The following COL11A2 variants were observed in gnomAD, a reference collection of about 807,000 sequenced individuals.
The protein encoded by COL11A2 is collagen type XI alpha 2 chain, also known as collagen alpha-2(XI) chain.
Under a neutral mutation model 273.4 loss-of-function variants are expected in COL11A2, and 116 were observed. The ratio of observed to expected loss-of-function variants is 0.42; its 90% CI spans 0.36 to 0.49. COL11A2 has a LOEUF of 0.49. Ranked by LOEUF, COL11A2 falls within the 20% of genes least tolerant of loss-of-function variation. The pLI, the probability that COL11A2 is intolerant of heterozygous loss-of-function variation, is 0.00. For synonymous variants in COL11A2, 782 were observed against 864.2 expected, an observed-to-expected ratio of 0.90 and a Z score of 1.67; for missense variants, 1,866 against 2,309.0, an observed-to-expected ratio of 0.81 and a Z score of 3.93.
rs1317338384 is a variant in COL11A2 at position 33,177,843 on chromosome 6, G to T, written c.1873-137C>A. 1.0e-6 allele frequency: 1 copy of T among 969,528 alleles called. No individual in the cohort carries two copies. The allele number at this position is 969,528 out of a possible 1,614,324, so 60.1% of individuals were successfully genotyped here. On this transcript the variant is annotated intron_variant, in intron 21 of 65. Transcript: ENST00000341947. The surrounding 1 kb of genome is among the most constrained non-coding windows in gnomAD (Gnocchi z 5.9). ...AACCCAAGCAAACACAGCTGGCCCA[G>T]GCCTGCAGTGTGTGGGACTGTGGAT...
rs1398208035 is a variant in COL11A2, at chr6:33,179,789, C to A, written c.1376G>T (p.Gly459Val). 2 of 1,611,684 alleles carry A rather than the reference C, an allele frequency of 1.2e-6. No individual in the cohort carries two copies. Among genetic ancestry groups the A allele is most frequent in the East Asian group, 2.2e-5 (1 of 44,870 alleles). ...CACCACAGGGCCCTTGTCACCCCCA[C>A]CACTGCCAAACCGGAACTGAGGTCA... ...SLMLPFRFGSGGGDKGPVVAA... is the reference protein window; with the variant it reads ...SLMLPFRFGSVGGDKGPVVAA... Residue 459 changes from glycine to valine, a missense_variant, in exon 13 of 66, where the codon GGT becomes GTT. By Grantham distance (109) the Gly-to-Val change is moderately radical. Transcript: ENST00000341947. The surrounding 1 kb of genome is among the most constrained non-coding windows in gnomAD (Gnocchi z 6.4).
rs772701006 is a variant in COL11A2, at chr6:33,186,560, G to A, written c.798+67C>T. 4.3e-6 allele frequency: 7 copies of A among 1,613,060 alleles called. No individual in the cohort carries two copies. Among genetic ancestry groups the A allele is most frequent in the Non-Finnish European group, 5.9e-6 (7 of 1,179,328 alleles). The stretch of plus-strand genomic sequence containing the variant: ...GAGGGTGGGGAGGACAACTAAGGAG[G>A]AGAGATGCCTGGGTGTCTTCCCTCT... On this transcript the variant is annotated intron_variant, in intron 5 of 65. Coordinates refer to ENST00000341947, the MANE Select transcript of COL11A2 (RefSeq NM_080680.3).
At position 33,166,031 on chromosome 6, in the gene COL11A2, T is replaced by C. The variant is rs1467364630; in HGVS notation, c.4429-47A>G. 1.2e-6 allele frequency: 2 copies of C among 1,612,762 alleles called. No homozygotes were observed. Among genetic ancestry groups the C allele is most frequent in the African/African-American group, 1.3e-5 (1 of 74,856 alleles). On this transcript the variant is annotated intron_variant, in intron 61 of 65. Coordinates refer to ENST00000341947, the MANE Select transcript of COL11A2 (RefSeq NM_080680.3). The surrounding 1 kb of genome is among the most constrained non-coding windows in gnomAD (Gnocchi z 4.8). ...CATGGAGGGGTCAAGAGGTCAAGCA[T>C]GGATCAAGGTCACAGAAAGATCAAA...
At chr6:33,185,214 T>C (rs772285991) in intron 6 of COL11A2, among the ~76,000 whole-genome samples, 160 bp from the exon 7 acceptor site, 1 of 151,924 alleles carries the variant, frequency 6.6e-6, no homozygotes, top group Non-Finnish European at 1.5e-5. Context: ...TGGAGGGGGA[T>C]AGTTTGGGGA....
At position 33,180,275 on chromosome 6, in the gene COL11A2, T is replaced by G; in HGVS notation, c.1342A>C (p.Thr448Pro). 6.2e-7 allele frequency: 1 copy of G among 1,612,980 alleles called. No individual in the cohort carries two copies. The highest frequency in any genetic ancestry group is 1.1e-5 in the South Asian group (1 of 91,076). Residue 448 changes from threonine (T) to proline (P), a missense_variant, in exon 12 of 66, where the codon ACA becomes CCA. Transcript: ENST00000341947. ...CAACTCACTGGGAGCATGAGAGATG[T>G]GCCAGGAGGACCAGGAGCCCCATCT... ...GSDGAPGPPGTSLMLPFRFGS... is the reference protein window; with the variant it reads ...GSDGAPGPPGPSLMLPFRFGS...
At chr6:33,186,552 C>T (rs1198409704) in intron 5 of COL11A2, 75 bp downstream of exon 5, 2 of 1,611,860 alleles carry the variant, frequency 1.2e-6, no homozygotes, top group Non-Finnish European at 1.7e-6. Flanking sequence ...GGGAGGACAA[C>T]TAAGGAGGAG....
At position 33,173,210 on chromosome 6, in the gene COL11A2, C is replaced by A; in HGVS notation, c.2737-97G>T. On this transcript the variant is annotated intron_variant, in intron 37 of 65. Coordinates refer to ENST00000341947, the MANE Select transcript of COL11A2 (RefSeq NM_080680.3). The surrounding 1 kb of genome is among the most constrained non-coding windows in gnomAD (Gnocchi z 6.3). ...GATCCCAGGCAGGATCACACCAAGC[C>A]CTGGGCCCTGGGTCTGAGCAGCACC... The A allele has an allele frequency of 1.3e-6, 2 of 1,532,136 alleles. No homozygotes were observed. Among genetic ancestry groups the A allele is most frequent in the Non-Finnish European group, 1.8e-6 (2 of 1,121,392 alleles). The allele number at this position is 1,532,136 out of a possible 1,614,324, so 94.9% of individuals were successfully genotyped here. A position where few individuals can be genotyped will look rare whatever the true frequency, so the allele number is the denominator to read the frequency against.
At position 33,164,560 on chromosome 6, in the gene COL11A2, C is replaced by T. The variant is rs1214267861; in HGVS notation, c.4864-87G>A. On this transcript the variant is annotated intron_variant, in intron 64 of 65. Transcript: ENST00000341947. This position sits in a 1 kb window ranked among gnomAD's most constrained non-coding sequence, Gnocchi z 4.7. ...CAGAGACGGGCCTCAGGAGCATCTA[C>T]GGCACCAGGACAGCTGAGCCAGAGT... 7 of 1,183,056 alleles carry T rather than the reference C, an allele frequency of 5.9e-6. No homozygotes were observed. Among genetic ancestry groups the T allele is most frequent in the African/African-American group, 4.6e-5 (3 of 64,790 alleles). The allele number at this position is 1,183,056 out of a possible 1,614,324, so 73.3% of individuals were successfully genotyped here.
rs1465909487 is a variant in COL11A2 at position 33,165,980 on chromosome 6, G to C, written c.4433C>G (p.Pro1478Arg). The C allele has an allele frequency of 6.2e-7, 1 of 1,614,058 alleles. No individual in the cohort carries two copies. The highest frequency in any genetic ancestry group is 8.5e-7 in the Non-Finnish European group (1 of 1,180,030). The change falls in exon 62 of 66, where the codon CCA (proline) becomes CGA (arginine). Residue 1478 changes from proline to arginine, a missense_variant. Transcript: ENST00000341947. The surrounding 1 kb of genome is among the most constrained non-coding windows in gnomAD (Gnocchi z 7.7). ...GPKGAKGATGPGGPKGEKGVQ... is the reference protein window; with the variant it reads ...GPKGAKGATGRGGPKGEKGVQ... Reference sequence around the variant, plus strand: ...ACCCTTCTCTCCCTTGGGTCCGCCTGGGCCCTGACAAGGAATAAATCAGGT... The same window carrying C: ...ACCCTTCTCTCCCTTGGGTCCGCCTCGGCCCTGACAAGGAATAAATCAGGT...
intron 8 of COL11A2, among the ~76,000 whole-genome samples, chr6:33,182,540 G>A (rs756637553): frequency 6.6e-5 from 10 of 151,318 alleles, no homozygotes; most frequent in African/African-American, 1.2e-4. Flanking sequence ...GTGAAACCCC[G>A]TCTCTACTAA....
chr6:33,175,741 G>A lies in COL11A2; in HGVS notation c.2269-60C>T, dbSNP rs1481559820. 8.7e-6 allele frequency: 13 copies of A among 1,500,128 alleles called. No individual in the cohort carries two copies. The African/African-American group carries it at 1.7e-4, about 19-fold the overall frequency. The allele number at this position is 1,500,128 out of a possible 1,614,324, so 92.9% of individuals were successfully genotyped here. A position where few individuals can be genotyped will look rare whatever the true frequency, so the allele number is the denominator to read the frequency against. On this transcript the variant is annotated intron_variant, in intron 29 of 65. Coordinates refer to ENST00000341947, the MANE Select transcript of COL11A2 (RefSeq NM_080680.3). ...ACTGGAGGTGGGCTCTGGGCCCAGA[G>A]GAGAAATGGGCAACAGTGAGGCTGA...
In COL11A2 at chr6:33,174,512, G is replaced by A. The variant is rs1471667955; in HGVS notation, c.2430+15C>T. ...AGGGAAGAGGAGGAGGGGCACGTAT[G>A]GGGCATGGCATCACCTTGGGTCCCT... On this transcript the variant is annotated intron_variant, in intron 31 of 65. Coordinates refer to ENST00000341947, the MANE Select transcript of COL11A2 (RefSeq NM_080680.3). 7 of 1,612,312 alleles carry A rather than the reference G, an allele frequency of 4.3e-6. No homozygotes were observed. The highest frequency in any genetic ancestry group is 5.9e-6 in the Non-Finnish European group (7 of 1,179,788).
upstream of COL11A2, among the ~76,000 whole-genome samples, chr6:33,192,997 G>A (rs560623807): frequency 6.6e-6 from 1 of 152,314 alleles, no homozygotes; most frequent in African/African-American, 2.4e-5. Flanking sequence ...GTTCTACGGA[G>A]AGCAAGAGGC....
In COL11A2 at chr6:33,178,952, C is replaced by T; in HGVS notation, c.1633G>A (p.Ala545Thr). 6.2e-7 allele frequency: 1 copy of T among 1,614,110 alleles called. No homozygotes were observed. The highest frequency in any genetic ancestry group is 8.5e-7 in the Non-Finnish European group (1 of 1,180,000). The change falls in exon 17 of 66, where the codon GCC (alanine) becomes ACC (threonine). Residue 545 changes from alanine to threonine, a missense_variant. Transcript: ENST00000341947. The surrounding 1 kb of genome is among the most constrained non-coding windows in gnomAD (Gnocchi z 4.6). ...CCAGGATCTCCAGGCATCCCTCGGG[C>T]TCCATCAGCACCTGCCCGGCCCTGG... ...GRRGRAGADG[A>T]RGMPGDPGVK...
At position 33,186,667 on chromosome 6, in the gene COL11A2, G is replaced by A. The variant is rs1187127824; in HGVS notation, c.758C>T (p.Ser253Leu). ...CTGATTTTGTGGCCTGTGAAGTCTT[G>A]ATGGTTGCTGCTGTGGAGATCTCTG... ...RAQRSPQQQP[S>L]RLHRPQNQEP... The change falls in exon 5 of 66, where the codon TCA becomes TTA. Residue 253 changes from serine (S) to leucine (L), a missense_variant. Coordinates refer to ENST00000341947, the MANE Select transcript of COL11A2 (RefSeq NM_080680.3). 2 of 1,614,098 alleles carry A rather than the reference G, an allele frequency of 1.2e-6. No individual in the cohort carries two copies. Among genetic ancestry groups the A allele is most frequent in the Admixed American group, 3.3e-5 (2 of 60,020 alleles).
rs1384976217 is a variant in COL11A2, at chr6:33,186,648, T to G, written c.777A>C (p.Gln259His). The G allele has an allele frequency of 6.2e-7, 1 of 1,613,942 alleles. No individual in the cohort carries two copies. Among genetic ancestry groups the G allele is most frequent in the Non-Finnish European group, 8.5e-7 (1 of 1,180,020 alleles). Residue 259 changes from glutamine to histidine, a missense_variant, in exon 5 of 66, where the codon CAA (glutamine) becomes CAC (histidine). Transcript: ENST00000341947. ...TCACCTGGCTCTGGGGTTCCTGATT[T>G]TGTGGCCTGTGAAGTCTTGATGGTT... The part of the protein sequence containing the change: ...QQQPSRLHRP[Q>H]NQEPQSQPTE...
chr6:33,168,606 T>C, intron 53 of COL11A2, 34 bp from the exon 54 acceptor site: 1 of 1,611,762 alleles, frequency 6.2e-7, no homozygotes, highest in Non-Finnish European at 8.5e-7. Context: ...GCTGAGTGTT[T>C]ATCCTCCAGC....
chr6:33,178,899 G>A lies in COL11A2; in HGVS notation c.1665+21C>T. On this transcript the variant is annotated intron_variant, in intron 17 of 65. Coordinates refer to ENST00000341947, the MANE Select transcript of COL11A2 (RefSeq NM_080680.3). This position sits in a 1 kb window ranked among gnomAD's most constrained non-coding sequence, Gnocchi z 4.6. Reference sequence around the variant, plus strand: ...GTGGGCTGAAGGCTACAGGCTTCAGGGAGGGGCCCAAGCCTGTTACCTTCA... The same window carrying A: ...GTGGGCTGAAGGCTACAGGCTTCAGAGAGGGGCCCAAGCCTGTTACCTTCA... 6.2e-7 allele frequency: 1 copy of A among 1,613,720 alleles called. No individual in the cohort carries two copies. The highest frequency in any genetic ancestry group is 8.5e-7 in the Non-Finnish European group (1 of 1,179,910).
In COL11A2 at chr6:33,179,892, C is replaced by G. The variant is rs1771502755; in HGVS notation, c.1360-87G>C. 1 of 1,291,304 alleles carries G rather than the reference C, an allele frequency of 7.7e-7. No homozygotes were observed. The highest frequency in any genetic ancestry group is 1.5e-5 in the African/African-American group (1 of 68,798). The allele number at this position is 1,291,304 out of a possible 1,614,324, so 80.0% of individuals were successfully genotyped here. A position where few individuals can be genotyped will look rare whatever the true frequency, so the allele number is the denominator to read the frequency against. On this transcript the variant is annotated intron_variant, in intron 12 of 65. Transcript: ENST00000341947. This position sits in a 1 kb window ranked among gnomAD's most constrained non-coding sequence, Gnocchi z 6.4. ...AGAGGCTTTCTCCAGCGTTTCTGCC[C>G]CTTGCCCCAGGTTCTGCCCATCCAG...
Sources: allele counts gnomAD v4.1 joint callset (sites outside exome capture counted in the v4.1 genomes callset), GRCh38; gene constraint gnomAD v4.1.1; non-coding constraint Gnocchi (gnomAD v3.1); transcripts MANE v1.5; gene names NCBI Gene and HGNC (gene_info 2026-07-23, HGNC 2026-07-21).